NDST3: variants seen among roughly 807,000 people sequenced by gnomAD.
NDST3 encodes bifunctional heparan sulfate N-deacetylase/N-sulfotransferase 3.
NDST3 carries 58 observed loss-of-function variants against 96.1 expected under a neutral mutation model. The observed-to-expected ratio is 0.60, with a 90% CI of 0.49 to 0.75. The LOEUF (loss-of-function observed/expected upper bound fraction) is 0.75, where lower values mean the gene tolerates loss of function less well. Among genes scored for constraint, NDST3 ranks in the 30% least tolerant of loss-of-function variants. NDST3 has a pLI of 0.00. For missense variants in NDST3, 788 were observed against 1,034.2 expected (o/e 0.76, Z 3.27); for synonymous variants, 333 against 359.7 (o/e 0.93, Z 0.84).
chr4:118,189,929 T>C (rs577212890), intron 6 of NDST3, among the ~76,000 whole-genome samples: 43 of 152,312 alleles, frequency 2.8e-4, no homozygotes, highest in African/African-American at 9.6e-4. Flanking sequence ...ATAGGTCTTT[T>C]ATGTTTTACA....
At chr4:118,122,182 T>TAA (rs1470481901) in intron 4 of NDST3, among the ~76,000 whole-genome samples, 1 of 152,198 alleles carries the variant, frequency 6.6e-6, no homozygotes, top group Non-Finnish European at 1.5e-5. Context: ...TAACAGCCTT[T>TAA]ATGAATTCTC....
intron 6 of NDST3, among the ~76,000 whole-genome samples, chr4:118,181,467 A>T (rs1435045516): frequency 6.6e-6 from 1 of 152,116 alleles, no homozygotes; most frequent in Non-Finnish European, 1.5e-5. Context: ...ACAAGAAAGG[A>T]AGCAAACAGA....
At chr4:118,180,989 C>A (rs1389984673) in intron 6 of NDST3, among the ~76,000 whole-genome samples, 1 of 152,082 alleles carries the variant, frequency 6.6e-6, no homozygotes, top group African/African-American at 2.4e-5. Flanking sequence ...GGCAAAGTGC[C>A]ACCTCATAGC....
At chr4:118,184,365 G>C (rs924245730) in intron 6 of NDST3, among the ~76,000 whole-genome samples, 3 of 151,816 alleles carry the variant, frequency 2.0e-5, no homozygotes, top group Non-Finnish European at 4.4e-5. Context: ...CCATAATGTG[G>C]GTGGGCCTCA....
intron 4 of NDST3, 42 bp from the exon 5 acceptor site, chr4:118,138,012 A>G (rs1733257899): frequency 6.7e-7 from 1 of 1,483,614 alleles, no homozygotes; most frequent in Admixed American, 2.3e-5. Context: ...TAGGATCAAG[A>G]TAAATCTTTA....
At chr4:118,146,663 A>G (rs926792290) in intron 6 of NDST3, among the ~76,000 whole-genome samples, 4 of 152,256 alleles carry the variant, frequency 2.6e-5, no homozygotes, top group African/African-American at 7.2e-5. Flanking sequence ...AACAAAATAG[A>G]GAATTACAAA....
At chr4:118,194,705 G>A (rs569824652) in intron 6 of NDST3, 22 of 566,964 alleles carry the variant, frequency 3.9e-5, no homozygotes, top group East Asian at 1.3e-4. Flanking sequence ...GGGAAGAGGC[G>A]CCAACTGTGT....
intron 6 of NDST3, among the ~76,000 whole-genome samples, chr4:118,184,226 C>T (rs1002703968): frequency 2.0e-5 from 3 of 152,118 alleles, no homozygotes; most frequent in Admixed American, 6.6e-5. Context: ...GTTAATCTTA[C>T]GTGTCAGTTT....
At position 118,089,822 on chromosome 4, in the gene NDST3, T is replaced by C. The variant is rs141640148; in HGVS notation, c.982-15196T>C. Among the ~76,000 whole-genome samples the C allele has an allele frequency of 1.1e-4, 16 of 152,086 alleles. No homozygotes were observed. In the East Asian group the frequency reaches 2.7e-3, roughly 26 times the overall value. On this transcript the variant is annotated intron_variant, in intron 2 of 13. Coordinates refer to ENST00000296499, the MANE Select transcript of NDST3 (RefSeq NM_004784.3). ...GTAAGGAGGAACACATTATTCATCC[T>C]GAGCAGATGAAAAGTAAGACATAAA...
At chr4:118,233,459 A>T (rs1219931834) in intron 9 of NDST3, among the ~76,000 whole-genome samples, 2 of 152,106 alleles carry the variant, frequency 1.3e-5, no homozygotes, top group Admixed American at 6.6e-5. Context: ...AGGAAAAAAA[A>T]TTTTCATATA....
intron 10 of NDST3, among the ~76,000 whole-genome samples, chr4:118,238,169 AAGAAAGAAAG>A (rs1203545676): frequency 2.4e-5 from 2 of 84,348 alleles, no homozygotes; most frequent in African/African-American, 9.7e-5. Flanking sequence ...GAAAGAAAGA[AAGAAAGAAAG>A]AAAGAAAGAA....
At chr4:118,227,905 C>T (rs1309213963) in intron 8 of NDST3, among the ~76,000 whole-genome samples, 2 of 152,190 alleles carry the variant, frequency 1.3e-5, no homozygotes, top group Non-Finnish European at 2.9e-5. Context: ...AGCCACTGTA[C>T]CCGGTCTATA....
intron 6 of NDST3, among the ~76,000 whole-genome samples, chr4:118,168,416 GT>G (rs1735700496): frequency 6.6e-6 from 1 of 151,960 alleles, no homozygotes; most frequent in South Asian, 2.1e-4. Context: ...GTAAGTGCTA[GT>G]GAGAATGTAG....
intron 6 of NDST3, among the ~76,000 whole-genome samples, chr4:118,162,350 T>C (rs1443729732): frequency 2.0e-5 from 3 of 152,128 alleles, no homozygotes; most frequent in Admixed American, 6.5e-5. Context: ...CTTCAAACTA[T>C]ACTACAAGGC....
chr4:118,065,854 C>G (rs1163943183), intron 2 of NDST3, among the ~76,000 whole-genome samples: 1 of 150,494 alleles, frequency 6.6e-6, no homozygotes, highest in Non-Finnish European at 1.5e-5. Context: ...AGTAATGTAC[C>G]TTTTTCCCCC....
chr4:118,243,988 GT>G (rs1425548838), intron 12 of NDST3, among the ~76,000 whole-genome samples: 1 of 152,116 alleles, frequency 6.6e-6, no homozygotes, highest in African/African-American at 2.4e-5. Flanking sequence ...CTCTAACCTG[GT>G]TGGGGGCTCA....
At chr4:118,046,732 T>C (rs1724784654) in intron 1 of NDST3, among the ~76,000 whole-genome samples, 1 of 152,154 alleles carries the variant, frequency 6.6e-6, no homozygotes, top group Non-Finnish European at 1.5e-5. Context: ...ACCTCAGGAA[T>C]GCCAAGCCAA....
intron 6 of NDST3, among the ~76,000 whole-genome samples, chr4:118,144,953 T>C (rs1733835372): frequency 1.3e-5 from 2 of 152,236 alleles, no homozygotes; most frequent in South Asian, 2.1e-4. Flanking sequence ...GAAAATGAGA[T>C]AGAAGAAAGA....
rs542517602 is a variant in NDST3, at chr4:118,129,943, T to A, written c.1225-8111T>A. Among the ~76,000 whole-genome samples, 13 of 152,234 alleles carry A rather than the reference T, an allele frequency of 8.5e-5. No individual in the cohort carries two copies. In the South Asian group the frequency reaches 2.5e-3, roughly 29 times the overall value. On this transcript the variant is annotated intron_variant, in intron 4 of 13. Transcript: ENST00000296499. Reference sequence around the variant, plus strand: ...CTCCTTTATCATTATATAGTGACCTTCTTTGTCTCTTCTCACAGTGTTTGT... The same window carrying A: ...CTCCTTTATCATTATATAGTGACCTACTTTGTCTCTTCTCACAGTGTTTGT...
Sources: gnomAD v4.1 joint callset for allele counts (sites outside exome capture counted in the v4.1 genomes callset) on GRCh38, gnomAD v4.1.1 for gene constraint, MANE v1.5 for transcripts, NCBI Gene and HGNC (gene_info 2026-07-23, HGNC 2026-07-21) for gene names.